SLC12A6: variants seen among roughly 807,000 people sequenced by gnomAD.
The protein encoded by SLC12A6 is K-Cl cotransporter 3.
In SLC12A6, 66 loss-of-function variants were observed where a neutral mutation model predicts 135.3. The ratio of observed to expected loss-of-function variants is 0.49; its 90% CI spans 0.40 to 0.60. SLC12A6 has a LOEUF of 0.60. SLC12A6 is among the 20% of genes least tolerant of loss of function. The pLI, the probability that SLC12A6 is intolerant of heterozygous loss-of-function variation, is 0.00. For synonymous variants in SLC12A6, 513 were observed against 508.8 expected, an observed-to-expected ratio of 1.01 and a Z score of -0.11; for missense variants, 1,058 against 1,452.3, an observed-to-expected ratio of 0.73 and a Z score of 4.41.
intron 2 of SLC12A6, among the ~76,000 whole-genome samples, chr15:34,283,663 ATT>A (rs1464689923): frequency 6.6e-6 from 1 of 152,132 alleles, no homozygotes; most frequent in Non-Finnish European, 1.5e-5. Flanking sequence ...AAGAGGGTAA[ATT>A]AGGTAGGCAC....
At chr15:34,285,709 TGTGTTTG>T (rs1236824856) in intron 2 of SLC12A6, among the ~76,000 whole-genome samples, 5 of 432 alleles carry the variant, frequency 0.012, no homozygotes, top group African/African-American at 0.052. Context: ...TGTGTGTGTG[TGTGTTTG>T]TCATACATAA....
intron 15 of SLC12A6, among the ~76,000 whole-genome samples, chr15:34,245,047 T>C (rs915446679): frequency 6.6e-6 from 1 of 152,154 alleles, no homozygotes; most frequent in African/African-American, 2.4e-5. Context: ...CTACAACCAA[T>C]TGACAATGAA....
chr15:34,266,572 G>T (rs1893538467), intron 3 of SLC12A6, among the ~76,000 whole-genome samples: 1 of 152,148 alleles, frequency 6.6e-6, no homozygotes, highest in Non-Finnish European at 1.5e-5. Flanking sequence ...CTCCCAAGTA[G>T]CTAGGACTAC....
chr15:34,233,838 G>T lies in SLC12A6; in HGVS notation c.*43C>A. The T allele has an allele frequency of 9.9e-7, 1 of 1,012,178 alleles. No individual in the cohort carries two copies. Among genetic ancestry groups the T allele is most frequent in the Non-Finnish European group, 1.6e-6 (1 of 630,122 alleles). 62.7% of individuals were successfully genotyped at this position (1,012,178 alleles called of 1,614,324 possible). A position where few individuals can be genotyped will look rare whatever the true frequency, so the allele number is the denominator to read the frequency against. ...AGCTGGCACTTCCATGGAGGACGTA[G>T]GCCTTTTAAGAAAACAGGTCAAGCA... On this transcript the variant is annotated 3_prime_UTR_variant, in exon 26 of 26. Transcript: ENST00000354181.
chr15:34,291,793 A>G (rs1443144394), intron 2 of SLC12A6, among the ~76,000 whole-genome samples: 1 of 151,790 alleles, frequency 6.6e-6, no homozygotes, highest in Non-Finnish European at 1.5e-5. Flanking sequence ...AAGCTTGTGT[A>G]TGCTTCACTA....
At chr15:34,325,374 C>A (rs9972323) in intron 2 of SLC12A6, among the ~76,000 whole-genome samples, 26,905 of 151,986 alleles carry the variant, frequency 0.18, 2,579 homozygotes, top group East Asian at 0.33. Flanking sequence ...GAATTGAATG[C>A]ATCAATTACT....
At chr15:34,322,725 C>G (rs1306234447) in intron 2 of SLC12A6, among the ~76,000 whole-genome samples, 1 of 151,668 alleles carries the variant, frequency 6.6e-6, no homozygotes, top group Non-Finnish European at 1.5e-5. Flanking sequence ...CACCTGTAAT[C>G]CCAGCACTTT....
chr15:34,235,152 A>C, intron 25 of SLC12A6, 29 bp downstream of exon 25: 1 of 1,606,634 alleles, frequency 6.2e-7, no homozygotes, highest in Non-Finnish European at 8.5e-7. Context: ...GATTTTCCCT[A>C]CTGGAAGCCC....
rs1892672517 is a variant in SLC12A6, at chr15:34,255,293, A to G, written c.845T>C (p.Met282Thr). The change falls in exon 8 of 26, where the codon ATG becomes ACG. Residue 282 changes from methionine to threonine, a missense_variant. By Grantham distance (81) the Met-to-Thr change is moderately conservative. This residue lies in a region of SLC12A6 where 139 missense variants were observed against 202.2 expected (regional missense o/e 0.69). Transcript: ENST00000354181. ...GATTTCAATGGCACCAAGGATGTAC[A>G]TGGCTGCTGCAAATGTGGTACCAAG... ...FYLGTTFAAA[M>T]YILGAIEIFL... is the part of the protein sequence containing the mutation. 6.2e-7 allele frequency: 1 copy of G among 1,610,830 alleles called. No individual in the cohort carries two copies. The highest frequency in any genetic ancestry group is 2.2e-5 in the East Asian group (1 of 44,890).
intron 2 of SLC12A6, among the ~76,000 whole-genome samples, chr15:34,323,626 G>C (rs1002064245): frequency 1.3e-5 from 2 of 152,134 alleles, no homozygotes; most frequent in Non-Finnish European, 2.9e-5. Context: ...CCAGCCTCTG[G>C]TGCCAAAAAG....
In SLC12A6 at chr15:34,236,181, G is replaced by T. The variant is rs752558011; in HGVS notation, c.3061C>A (p.Arg1021=). ...RDREAQLVKD[R]NSMLRLTSIG... ...CTGGTCAATCGTAGCATTGAGTTTC[G>T]GTCTTTCACCAATTGTGCCTGAGGA... The change falls in exon 24 of 26, where the codon CGA becomes AGA. Residue 1021 remains arginine (R), a synonymous_variant. Coordinates refer to ENST00000354181, the MANE Select transcript of SLC12A6 (RefSeq NM_001365088.1). The T allele has an allele frequency of 2.0e-5, 32 of 1,613,556 alleles. No homozygotes were observed. In the African/African-American group the frequency reaches 3.3e-4, roughly 17 times the overall value.
Position 34,284,965 on chromosome 15 carries a change from GC to G in SLC12A6, c.272-9577del, listed in dbSNP as rs545067424. On this transcript the variant is annotated intron_variant, in intron 2 of 25. Transcript: ENST00000354181. ...GTATTGACATGTTTGATGAATGGCA[GC>G]AAGGAGACCGGATTATCAGACAGAA... is the stretch of plus-strand genomic sequence containing the variant. Among the ~76,000 whole-genome samples, 276 of 152,332 alleles carry G rather than the reference GC, an allele frequency of 1.8e-3. 1 individual carries two copies. The highest frequency in any genetic ancestry group is 3.1e-3 in the Non-Finnish European group (214 of 68,020).
intron 3 of SLC12A6, among the ~76,000 whole-genome samples, chr15:34,262,300 C>T (rs1266738230): frequency 6.6e-6 from 1 of 152,100 alleles, no homozygotes; most frequent in African/African-American, 2.4e-5. Flanking sequence ...CATACACTCC[C>T]CTATTCTGAG....
At chr15:34,317,088 G>A (rs185191583) in intron 2 of SLC12A6, among the ~76,000 whole-genome samples, 2,891 of 152,234 alleles carry the variant, frequency 0.019, 93 homozygotes, top group African/African-American at 0.066. Context: ...AGCTGAAGTT[G>A]AGTTGTAGAG....
intron 3 of SLC12A6, among the ~76,000 whole-genome samples, chr15:34,271,602 TAC>T (rs10588100): frequency 0.3 from 44,251 of 148,596 alleles, 6,763 homozygotes; most frequent in Admixed American, 0.38. Flanking sequence ...AGTGCAAAGC[TAC>T]ACACACACAC....
At chr15:34,320,005 C>T (rs144916210) in intron 2 of SLC12A6, among the ~76,000 whole-genome samples, 24 of 152,114 alleles carry the variant, frequency 1.6e-4, no homozygotes, top group South Asian at 6.2e-4. Context: ...TCTCAGCTGA[C>T]GACTTTAGAG....
In SLC12A6 at chr15:34,322,253, T is replaced by C. The variant is rs571491392; in HGVS notation, c.271+14157A>G. On this transcript the variant is annotated intron_variant, in intron 2 of 25. Coordinates refer to ENST00000354181, the MANE Select transcript of SLC12A6 (RefSeq NM_001365088.1). ...TAAATTAGCTGGGCGTGGTGACACA[T>C]GCCTGTAATACCAGCCACTGGGGAG... Among the ~76,000 whole-genome samples the C allele has an allele frequency of 8.5e-5, 13 of 152,094 alleles. No individual in the cohort carries two copies. In the South Asian group the frequency reaches 2.7e-3, roughly 32 times the overall value.
At chr15:34,293,312 A>T (rs1024147490) in intron 2 of SLC12A6, among the ~76,000 whole-genome samples, 29 of 152,186 alleles carry the variant, frequency 1.9e-4, no homozygotes, top group Non-Finnish European at 2.6e-4. Flanking sequence ...TTAATTAATT[A>T]ATTTATTTTT....
At chr15:34,311,165 AG>A (rs1204645062) in intron 2 of SLC12A6, among the ~76,000 whole-genome samples, 1 of 152,156 alleles carries the variant, frequency 6.6e-6, no homozygotes, top group African/African-American at 2.4e-5. Flanking sequence ...CTTATTTTAA[AG>A]GAGAGAAAAT....
Sources: gnomAD v4.1 joint callset for allele counts (sites outside exome capture counted in the v4.1 genomes callset) on GRCh38, gnomAD v4.1.1 for gene constraint, gnomAD v4.1.1 regional missense constraint, MANE v1.5 for transcripts, NCBI Gene and HGNC (gene_info 2026-07-23, HGNC 2026-07-21) for gene names.